Variants in ANKDD1A observed in about 807,000 individuals in gnomAD.
ANKDD1A encodes ankyrin repeat and death domain-containing protein 1A.
In ANKDD1A, 59 loss-of-function variants were observed where a neutral mutation model predicts 63.5. The observed-to-expected ratio is 0.93, with a 90% CI of 0.75 to 1.15. The LOEUF (loss-of-function observed/expected upper bound fraction) is 1.15. ANKDD1A is among the 50% of genes most tolerant of loss of function. The pLI is 0.00. For missense variants in ANKDD1A, 632 were observed against 656.4 expected (o/e 0.96, Z 0.41); for synonymous variants, 266 against 263.9 (o/e 1.01, Z -0.08).
At chr15:64,951,727 C>CCTTTCCTT (rs2085284819) in intron 14 of ANKDD1A, among the ~76,000 whole-genome samples, 1 of 138,020 alleles carries the variant, frequency 7.2e-6, no homozygotes, top group South Asian at 2.3e-4. Flanking sequence ...CTTCCCTTTT[C>CCTTTCCTT]TTCTTTCCTC....
rs2085232865 is a variant in ANKDD1A at position 64,947,479 on chromosome 15, T to A, written c.1237T>A (p.Ser413Thr). Residue 413 changes from serine to threonine, a missense_variant, in exon 13 of 15, where the codon TCT becomes ACT. Physicochemically the swap from Ser to Thr is moderately conservative, Grantham distance 58. Coordinates refer to ENST00000319580, the MANE Select transcript of ANKDD1A (RefSeq NM_182703.6). ...TCGGCAGGAAACACAGCAGCTCCGT[T>A]CTGTGCTGTGGCGGCTGGCCTCCAG... is the stretch of plus-strand genomic sequence containing the variant. ...DHRQETQQLR[S>T]VLWRLASRYL... is the part of the protein sequence containing the mutation. The A allele has an allele frequency of 2.5e-6, 4 of 1,614,176 alleles. No homozygotes were observed. The highest frequency in any genetic ancestry group is 3.4e-6 in the Non-Finnish European group (4 of 1,180,016).
chr15:64,953,209 CCTT>C (rs142482074), intron 14 of ANKDD1A, among the ~76,000 whole-genome samples: 76,519 of 145,190 alleles, frequency 0.53, 20,945 homozygotes, highest in East Asian at 0.85. Context: ...TCTTTCTTCT[CCTT>C]CTTTCTTGTT....
rs1054428963 is a variant in ANKDD1A, at chr15:64,957,308, T to C, written c.*120T>C. The C allele has an allele frequency of 3.5e-6, 1 of 285,702 alleles. No individual in the cohort carries two copies. Among genetic ancestry groups the C allele is most frequent in the Non-Finnish European group, 6.9e-6 (1 of 145,414 alleles). 17.7% of individuals were successfully genotyped at this position (285,702 alleles called of 1,614,324 possible). ...ACATAATTTCACAATTATTCCTTTT[T>C]CCACCTTAAATAATAAGAGTAGAAT... On this transcript the variant is annotated 3_prime_UTR_variant, in exon 15 of 15. Transcript: ENST00000319580.
chr15:64,921,173 CTATT>C (rs201918458), intron 3 of ANKDD1A, among the ~76,000 whole-genome samples: 3,023 of 150,780 alleles, frequency 0.02, 43 homozygotes, highest in Middle Eastern at 0.047. Flanking sequence ...GGGGGTCCCC[CTATT>C]TTGCCCAGTC....
intron 3 of ANKDD1A, among the ~76,000 whole-genome samples, chr15:64,920,311 G>A (rs561869861): frequency 2.0e-5 from 3 of 152,286 alleles, no homozygotes; most frequent in African/African-American, 7.2e-5. Flanking sequence ...CCTGGAGCAC[G>A]GTGCAGATGT....
intron 1 of ANKDD1A, among the ~76,000 whole-genome samples, chr15:64,912,924 T>C (rs1475717862): frequency 1.3e-5 from 2 of 152,150 alleles, no homozygotes; most frequent in African/African-American, 4.8e-5. Flanking sequence ...AATGGAGCAT[T>C]GGGGTGTGTG....
chr15:64,953,872 CTTCA>C (rs1210356324), intron 14 of ANKDD1A, among the ~76,000 whole-genome samples: 1,334 of 126,468 alleles, frequency 0.011, 39 homozygotes, highest in African/African-American at 0.038. Context: ...CCTCTTTCTT[CTTCA>C]TTCTTTCTTC....
At chr15:64,944,879 C>T (rs1015434982) in intron 12 of ANKDD1A, 132 bp downstream of exon 12, 2 of 788,488 alleles carry the variant, frequency 2.5e-6, no homozygotes, top group African/African-American at 1.7e-5. Flanking sequence ...TAATCACCAC[C>T]TTGTATGTTA....
chr15:64,925,331 G>C (rs1440966434), intron 4 of ANKDD1A, among the ~76,000 whole-genome samples: 1 of 150,782 alleles, frequency 6.6e-6, no homozygotes, highest in African/African-American at 2.4e-5. Flanking sequence ...TGATTTTTAT[G>C]ACCCACTGAT....
intron 3 of ANKDD1A, among the ~76,000 whole-genome samples, chr15:64,921,231 T>C (rs1183384032): frequency 6.6e-6 from 1 of 152,248 alleles, no homozygotes; most frequent in African/African-American, 2.4e-5. Context: ...TCTCAGAGTG[T>C]TGGGATTACA....
Position 64,949,905 on chromosome 15 carries a change from G to A in ANKDD1A, c.1416G>A (p.Thr472=), listed in dbSNP as rs764687622. ...TCATTTGGCTGCATGGCGTGGCCAC[G>A]GCTGGTGAGAACCCCAGCAAAGCGC... ...MLLIWLHGVA[T]AGENPSKALF... Residue 472 remains threonine (T), a synonymous_variant, in exon 14 of 15, where the codon ACG becomes ACA. Coordinates refer to ENST00000319580, the MANE Select transcript of ANKDD1A (RefSeq NM_182703.6). 49 of 1,607,884 alleles carry A rather than the reference G, an allele frequency of 3.0e-5. No individual in the cohort carries two copies. Among genetic ancestry groups the A allele is most frequent in the Admixed American group, 5.0e-5 (3 of 60,008 alleles).
intron 14 of ANKDD1A, among the ~76,000 whole-genome samples, chr15:64,952,833 CCTTTCTT>C (rs2085322109): frequency 2.6e-5 from 3 of 114,632 alleles, no homozygotes; most frequent in Non-Finnish European, 1.9e-5. Context: ...CCTCCTTCTT[CCTTTCTT>C]CTCCTTGTCT....
chr15:64,952,941 TCTTCCTTCTCTTTCTTCCTC>T (rs2085326015), intron 14 of ANKDD1A, among the ~76,000 whole-genome samples: 4 of 87,310 alleles, frequency 4.6e-5, no homozygotes, highest in South Asian at 6.7e-4. Flanking sequence ...TTCTTCCTCT[TCTTCCTTCTCTTTCTTCCTC>T]TTCTTCTTTT....
chr15:64,931,510 G>A lies in ANKDD1A; in HGVS notation c.693G>A (p.Ser231=), dbSNP rs764296795. Residue 231 remains serine, a synonymous_variant, in exon 8 of 15, where the codon TCG becomes TCA. Coordinates refer to ENST00000319580, the MANE Select transcript of ANKDD1A (RefSeq NM_182703.6). ...QNAEGLTALH[S]AAGGSHPDCV... ...AGGAAGGTCTGACTGCCCTGCATTC[G>A]GCTGCTGGAGGATCCCACCCTGACT... 12 of 1,613,814 alleles carry A rather than the reference G, an allele frequency of 7.4e-6. No homozygotes were observed. The highest frequency in any genetic ancestry group is 2.2e-5 in the East Asian group (1 of 44,894).
intron 6 of ANKDD1A, 124 bp from the exon 7 acceptor site, chr15:64,930,697 GT>G: frequency 4.7e-6 from 4 of 846,068 alleles, no homozygotes; most frequent in Non-Finnish European, 5.4e-6. Context: ...CCTGGTTATA[GT>G]TTTTGGCCCA....
At chr15:64,935,413 C>T (rs1056923979) in intron 9 of ANKDD1A, among the ~76,000 whole-genome samples, 3 of 151,976 alleles carry the variant, frequency 2.0e-5, no homozygotes, top group Admixed American at 2.0e-4. Flanking sequence ...CAGTGGCTCA[C>T]ACCTGGAATC....
At chr15:64,920,760 C>T (rs1567110135) in intron 3 of ANKDD1A, among the ~76,000 whole-genome samples, 2 of 152,060 alleles carry the variant, frequency 1.3e-5, no homozygotes, top group Admixed American at 6.6e-5. Context: ...ATTGCCCAGG[C>T]TGGTCTTGAA....
rs368660115 is a variant in ANKDD1A at position 64,921,838 on chromosome 15, G to T, written c.268-83G>T. On this transcript the variant is annotated intron_variant, in intron 3 of 14. Coordinates refer to ENST00000319580, the MANE Select transcript of ANKDD1A (RefSeq NM_182703.6). ...ACTTATAGTTCCTTCTGGTTGTATG[G>T]TTTAGTCATAAGGCACAGGGCCTGG... 8.4e-6 allele frequency: 10 copies of T among 1,184,336 alleles called. No individual in the cohort carries two copies. In the African/African-American group the frequency reaches 1.5e-4, roughly 18 times the overall value. 73.4% of individuals were successfully genotyped at this position (1,184,336 alleles called of 1,614,324 possible). A position where few individuals can be genotyped will look rare whatever the true frequency, so the allele number is the denominator to read the frequency against.
intron 9 of ANKDD1A, among the ~76,000 whole-genome samples, chr15:64,937,723 C>G (rs922655166): frequency 6.6e-6 from 1 of 151,606 alleles, no homozygotes; most frequent in Non-Finnish European, 1.5e-5. Flanking sequence ...GAGACTCTGT[C>G]TCAAAAAAAT....
Sources: gnomAD v4.1 joint callset for allele counts (sites outside exome capture counted in the v4.1 genomes callset) on GRCh38, gnomAD v4.1.1 for gene constraint, MANE v1.5 for transcripts, NCBI Gene and HGNC (gene_info 2026-07-23, HGNC 2026-07-21) for gene names.